The following DTNA variants were observed in gnomAD, a reference collection of about 807,000 sequenced individuals.
The protein encoded by DTNA is dystrobrevin alpha.
A neutral mutation model predicts 100.7 loss-of-function variants in DTNA; 43 were observed. The ratio of observed to expected loss-of-function variants is 0.43; its 90% CI spans 0.33 to 0.55. The LOEUF (loss-of-function observed/expected upper bound fraction) is 0.55, where lower values mean the gene tolerates loss of function less well. Among genes scored for constraint, DTNA ranks in the 20% least tolerant of loss-of-function variants. The pLI is 0.04. For synonymous variants in DTNA, 349 were observed against 347.9 expected, an observed-to-expected ratio of 1.00 and a Z score of -0.04; for missense variants, 798 against 953.9, an observed-to-expected ratio of 0.84 and a Z score of 2.15.
chr18:34,670,302 T>G (rs985292769), intron 1 of DTNA, among the ~76,000 whole-genome samples: 7 of 152,168 alleles, frequency 4.6e-5, no homozygotes, highest in Non-Finnish European at 8.8e-5. Context: ...TCTGCATTGG[T>G]TATTCTAGTT....
intron 1 of DTNA, among the ~76,000 whole-genome samples, chr18:34,642,375 G>A (rs954447551): frequency 5.3e-5 from 8 of 152,162 alleles, no homozygotes; most frequent in African/African-American, 1.7e-4. Context: ...TTGAGGAAGA[G>A]TACTTTTCTT....
intron 11 of DTNA, 116 bp from the exon 12 acceptor site, chr18:34,837,978 A>G: frequency 2.2e-6 from 2 of 905,726 alleles, no homozygotes; most frequent in Non-Finnish European, 1.8e-6. Flanking sequence ...CAAAATAATA[A>G]GAGATCTGTC....
chr18:34,806,037 G>A (rs1354922960), intron 4 of DTNA, among the ~76,000 whole-genome samples, 182 bp from the exon 5 acceptor site: 1 of 152,218 alleles, frequency 6.6e-6, no homozygotes, highest in African/African-American at 2.4e-5. Context: ...CTTCAGATAT[G>A]TGCATTGAAT....
intron 1 of DTNA, among the ~76,000 whole-genome samples, chr18:34,752,598 T>C (rs1207796243): frequency 6.6e-6 from 1 of 152,250 alleles, no homozygotes; most frequent in Non-Finnish European, 1.5e-5. Flanking sequence ...CAATTTTATC[T>C]GACTACACTA....
intron 14 of DTNA, among the ~76,000 whole-genome samples, chr18:34,850,959 GA>G (rs775323064): frequency 9.9e-5 from 15 of 152,082 alleles, no homozygotes; most frequent in Non-Finnish European, 1.9e-4. Context: ...TGAGAAAGTA[GA>G]AGGAAATCAA....
chr18:34,766,028 G>A lies in DTNA; in HGVS notation c.135G>A (p.Gln45=). Residue 45 remains glutamine (Q), a synonymous_variant, in exon 3 of 23, where the codon CAG becomes CAA. Transcript: ENST00000444659. ...CAGCATGCAAGCTTAGGTTTGTTCA[G>A]AAGAAATGCAATTGTAAGTATGCCA... is the stretch of plus-strand genomic sequence containing the variant. The part of the protein sequence containing the change: ...YRTACKLRFV[Q]KKCNLHLVDI... 1 of 1,613,714 alleles carries A rather than the reference G, an allele frequency of 6.2e-7. No individual in the cohort carries two copies. Among genetic ancestry groups the A allele is most frequent in the Non-Finnish European group, 8.5e-7 (1 of 1,179,722 alleles).
At chr18:34,755,806 G>A (rs758629170) in intron 1 of DTNA, among the ~76,000 whole-genome samples, 170 bp from the exon 2 acceptor site, 1 of 152,134 alleles carries the variant, frequency 6.6e-6, no homozygotes, top group Non-Finnish European at 1.5e-5. Flanking sequence ...GGAAAAATAT[G>A]CGCAGCAATT....
chr18:34,501,961 C>A (rs1452783662), intron 1 of DTNA, among the ~76,000 whole-genome samples: 1 of 152,154 alleles, frequency 6.6e-6, no homozygotes, highest in Non-Finnish European at 1.5e-5. Flanking sequence ...AATTTAAACT[C>A]TTTTTTATCT....
chr18:34,855,382 A>G, intron 15 of DTNA, among the ~76,000 whole-genome samples: 1 of 152,212 alleles, frequency 6.6e-6, no homozygotes, highest in East Asian at 1.9e-4. Context: ...GGAAGTGATG[A>G]GGAACTATGT....
intron 1 of DTNA, among the ~76,000 whole-genome samples, chr18:34,656,576 G>A (rs1447017621): frequency 6.6e-6 from 1 of 152,144 alleles, no homozygotes; most frequent in Non-Finnish European, 1.5e-5. Flanking sequence ...TCCTAGCCCT[G>A]CCAGGTTTCC....
At chr18:34,581,251 A>AC (rs2048590076) in intron 1 of DTNA, among the ~76,000 whole-genome samples, 1 of 144,980 alleles carries the variant, frequency 6.9e-6, no homozygotes, top group South Asian at 2.1e-4. Flanking sequence ...GGGTCTCAAA[A>AC]CAAAACAAAA....
intron 1 of DTNA, among the ~76,000 whole-genome samples, chr18:34,719,291 C>T (rs2084752801): frequency 6.6e-6 from 1 of 151,986 alleles, no homozygotes; most frequent in South Asian, 2.1e-4. Context: ...TTGCAGTGAC[C>T]CCAGATCGCA....
chr18:34,551,376 C>T (rs1358351779), intron 1 of DTNA, among the ~76,000 whole-genome samples: 2 of 152,172 alleles, frequency 1.3e-5, no homozygotes, highest in Non-Finnish European at 2.9e-5. Context: ...TTCCCAAAAT[C>T]GCTTACCTAG....
At chr18:34,558,003 G>C (rs2046267885) in intron 1 of DTNA, 1 of 152,858 alleles carries the variant, frequency 6.5e-6, no homozygotes, top group South Asian at 2.0e-4. Flanking sequence ...TCAGACTGCT[G>C]TGCTAGCAAT....
intron 1 of DTNA, among the ~76,000 whole-genome samples, chr18:34,555,054 C>G (rs887815107): frequency 7.9e-6 from 1 of 127,112 alleles, no homozygotes; most frequent in Non-Finnish European, 1.6e-5. Context: ...AATTTCAGCT[C>G]CTGTTATTGG....
chr18:34,740,358 G>A (rs1443136154), intron 1 of DTNA, among the ~76,000 whole-genome samples: 1 of 152,166 alleles, frequency 6.6e-6, no homozygotes, highest in Non-Finnish European at 1.5e-5. Context: ...TGTTAAAAAG[G>A]AACTGCTTGT....
chr18:34,863,294 C>G (rs909190969), intron 16 of DTNA, among the ~76,000 whole-genome samples: 2 of 152,104 alleles, frequency 1.3e-5, no homozygotes, highest in African/African-American at 4.8e-5. Flanking sequence ...TTCATTCTTG[C>G]TGACAGTTTA....
At chr18:34,828,542 T>C (rs961194041) in intron 10 of DTNA, among the ~76,000 whole-genome samples, 2 of 152,200 alleles carry the variant, frequency 1.3e-5, no homozygotes, top group African/African-American at 4.8e-5. Flanking sequence ...CCAGTTTCAC[T>C]GTAATATCCT....
intron 1 of DTNA, among the ~76,000 whole-genome samples, chr18:34,558,753 A>G (rs2046365181): frequency 2.0e-5 from 3 of 152,152 alleles, no homozygotes; most frequent in South Asian, 2.1e-4. Flanking sequence ...GCCCAAGCAG[A>G]TATCTAGGGG....
Sources: allele counts gnomAD v4.1 joint callset (sites outside exome capture counted in the v4.1 genomes callset), GRCh38; gene constraint gnomAD v4.1.1; transcripts MANE v1.5; gene names NCBI Gene and HGNC (gene_info 2026-07-23, HGNC 2026-07-21).